DPT: variants seen among roughly 807,000 people sequenced by gnomAD.
The protein encoded by DPT is tyrosine-rich acidic matrix protein.
In DPT, 21 loss-of-function variants were observed where a neutral mutation model predicts 31.2. The observed-to-expected ratio is 0.67, with a 90% CI of 0.48 to 0.97. The LOEUF (loss-of-function observed/expected upper bound fraction) is 0.97, where lower values mean the gene tolerates loss of function less well. Ranked by LOEUF, DPT falls within the 50% of genes least tolerant of loss-of-function variation. The pLI is 0.00. For missense variants in DPT, 262 were observed against 258.8 expected, an observed-to-expected ratio of 1.01 and a Z score of -0.08; for synonymous variants, 91 against 86.9, an observed-to-expected ratio of 1.05 and a Z score of -0.26.
intron 2 of DPT, among the ~76,000 whole-genome samples, chr1:168,702,058 C>T (rs1649610722): frequency 6.6e-6 from 1 of 152,130 alleles, no homozygotes; most frequent in Non-Finnish European, 1.5e-5. Flanking sequence ...GTCTAGAATC[C>T]CCCAGTTCTC....
chr1:168,727,554 T>C, intron 1 of DPT, among the ~76,000 whole-genome samples: 1 of 123,432 alleles, frequency 8.1e-6, no homozygotes. Flanking sequence ...TTTTTTTTTT[T>C]TGAGGCAGAG....
At chr1:168,703,558 G>A (rs1649650718) in intron 2 of DPT, among the ~76,000 whole-genome samples, 1 of 152,214 alleles carries the variant, frequency 6.6e-6, no homozygotes, top group Non-Finnish European at 1.5e-5. Flanking sequence ...ATGTCCTAGA[G>A]AAGGTGAGGT....
At chr1:168,700,360 C>T (rs1340788619) in intron 3 of DPT, among the ~76,000 whole-genome samples, 1 of 152,138 alleles carries the variant, frequency 6.6e-6, no homozygotes, top group Non-Finnish European at 1.5e-5. Context: ...TTCCAGCTTC[C>T]AGAACTGTGA....
Position 168,696,199 on chromosome 1 carries a change from G to T in DPT, c.*350C>A, listed in dbSNP as rs919360942. On this transcript the variant is annotated 3_prime_UTR_variant, in exon 4 of 4. Transcript: ENST00000367817. ...CTCTCCCCTCCACTATGCTGAACTT[G>T]CAGTTCATTCTGCAGTAAAAAGCAG... is the stretch of plus-strand genomic sequence containing the variant. 7 of 429,334 alleles carry T rather than the reference G, an allele frequency of 1.6e-5. No individual in the cohort carries two copies. Among genetic ancestry groups the T allele is most frequent in the African/African-American group, 4.1e-5 (2 of 49,368 alleles). 26.6% of individuals were successfully genotyped at this position (429,334 alleles called of 1,614,324 possible).
At chr1:168,718,779 C>T (rs1416995124) in intron 1 of DPT, among the ~76,000 whole-genome samples, 1 of 152,142 alleles carries the variant, frequency 6.6e-6, no homozygotes, top group Non-Finnish European at 1.5e-5. Context: ...TAAGACAACG[C>T]ATGTAAAATT....
At chr1:168,707,231 G>A (rs1572626901) in intron 2 of DPT, among the ~76,000 whole-genome samples, 1 of 152,180 alleles carries the variant, frequency 6.6e-6, no homozygotes, top group Non-Finnish European at 1.5e-5. Flanking sequence ...CACGTGGTAA[G>A]TGTCAATAAA....
At chr1:168,726,393 C>T (rs924654169) in intron 1 of DPT, among the ~76,000 whole-genome samples, 40 of 152,262 alleles carry the variant, frequency 2.6e-4, no homozygotes, top group African/African-American at 9.4e-4. Context: ...GCTTCTCTCT[C>T]TAGCAGGGAT....
intron 1 of DPT, among the ~76,000 whole-genome samples, chr1:168,723,185 C>T (rs1408459608): frequency 2.6e-5 from 4 of 152,230 alleles, no homozygotes; most frequent in African/African-American, 2.4e-5. Flanking sequence ...TAGGTCAGCA[C>T]TCACTATGGC....
At chr1:168,706,691 G>A (rs1649722274) in intron 2 of DPT, among the ~76,000 whole-genome samples, 1 of 152,282 alleles carries the variant, frequency 6.6e-6, no homozygotes, top group East Asian at 1.9e-4. Flanking sequence ...GGCATTTTGG[G>A]ACTTTACATT....
Position 168,696,344 on chromosome 1 carries a change from G to T in DPT, c.*205C>A. 2 of 584,630 alleles carry T rather than the reference G, an allele frequency of 3.4e-6. No homozygotes were observed. Among genetic ancestry groups the T allele is most frequent in the South Asian group, 4.5e-5 (2 of 44,054 alleles). 36.2% of individuals were successfully genotyped at this position (584,630 alleles called of 1,614,324 possible). On this transcript the variant is annotated 3_prime_UTR_variant, in exon 4 of 4. Transcript: ENST00000367817. ...AGTTGCTATGAAACATGTGAAAAGT[G>T]AGAAACATGGTTTAATTGTGGATTT...
chr1:168,716,440 G>A (rs939743055), intron 1 of DPT, among the ~76,000 whole-genome samples: 4 of 151,530 alleles, frequency 2.6e-5, no homozygotes, highest in African/African-American at 4.9e-5. Context: ...AGTAATGCAG[G>A]TTAAGGTGTA....
Position 168,714,851 on chromosome 1 carries a change from C to T in DPT, c.306-505G>A, listed in dbSNP as rs139002489. On this transcript the variant is annotated intron_variant, in intron 1 of 3. Transcript: ENST00000367817. ...GATGATCATTCGTTCTGCCCCTGCA[C>T]AGCATGCAAAGCCCAGATGGGCATG... 4.3e-3 allele frequency among the ~76,000 whole-genome samples: 662 copies of T among 152,380 alleles called. 2 individuals are homozygous for T. The highest frequency in any genetic ancestry group is 0.014 in the Middle Eastern group (4 of 294).
Position 168,729,148 on chromosome 1 carries a change from A to C in DPT, c.27T>G (p.Leu9=). 6.2e-7 allele frequency: 1 copy of C among 1,614,032 alleles called. No individual in the cohort carries two copies. The highest frequency in any genetic ancestry group is 8.5e-7 in the Non-Finnish European group (1 of 1,179,960). Residue 9 remains leucine, a synonymous_variant, in exon 1 of 4, where the codon CTT becomes CTG. Coordinates refer to ENST00000367817, the MANE Select transcript of DPT (RefSeq NM_001937.5). ...CCCAGGCCATGGTGACTAGGGGCAG[A>C]AGTACCCAGAGAAGACTGAGGTCCA... MDLSLLWV[L]LPLVTMAWGQ...
intron 2 of DPT, among the ~76,000 whole-genome samples, chr1:168,703,835 C>T (rs1649656075): frequency 6.6e-6 from 1 of 152,206 alleles, no homozygotes; most frequent in Non-Finnish European, 1.5e-5. Context: ...ATAGGAAGAA[C>T]TATTGAGTCA....
intron 3 of DPT, among the ~76,000 whole-genome samples, chr1:168,697,305 T>C (rs1393088002): frequency 1.3e-5 from 2 of 152,194 alleles, no homozygotes; most frequent in Non-Finnish European, 2.9e-5. Flanking sequence ...TCCGTCCATT[T>C]TCCCACTGAC....
At chr1:168,723,188 A>G (rs1403042478) in intron 1 of DPT, among the ~76,000 whole-genome samples, 1 of 152,242 alleles carries the variant, frequency 6.6e-6, no homozygotes, top group African/African-American at 2.4e-5. Flanking sequence ...GTCAGCACTC[A>G]CTATGGCTTT....
chr1:168,709,647 C>T (rs190504030), intron 2 of DPT, among the ~76,000 whole-genome samples: 32 of 152,280 alleles, frequency 2.1e-4, no homozygotes, highest in African/African-American at 2.9e-4. Flanking sequence ...CAAACGCAGG[C>T]GCTAGATATT....
Position 168,695,676 on chromosome 1 carries a change from A to T in DPT, c.*873T>A, listed in dbSNP as rs1467097643. Reference sequence around the variant, plus strand: ...TTTGCCAGTAGCTCCCCAGGGTTCCAGGGTGTCTGCCAGCCTTCCTAGGAA... The same window carrying T: ...TTTGCCAGTAGCTCCCCAGGGTTCCTGGGTGTCTGCCAGCCTTCCTAGGAA... On this transcript the variant is annotated 3_prime_UTR_variant, in exon 4 of 4. Coordinates refer to ENST00000367817, the MANE Select transcript of DPT (RefSeq NM_001937.5). 1.3e-5 allele frequency: 2 copies of T among 152,260 alleles called. No individual in the cohort carries two copies. The highest frequency in any genetic ancestry group is 4.8e-5 in the African/African-American group (2 of 41,440). 9.4% of individuals were successfully genotyped at this position (152,260 alleles called of 1,614,324 possible).
chr1:168,710,446 G>A (rs1004074538), intron 2 of DPT, among the ~76,000 whole-genome samples: 2 of 152,126 alleles, frequency 1.3e-5, no homozygotes, highest in South Asian at 2.1e-4. Context: ...GATGGGGTAA[G>A]GAAGGGTAAA....
Sources: allele counts gnomAD v4.1 joint callset (sites outside exome capture counted in the v4.1 genomes callset), GRCh38; gene constraint gnomAD v4.1.1; transcripts MANE v1.5; gene names NCBI Gene and HGNC (gene_info 2026-07-23, HGNC 2026-07-21).